The following MAGI1 variants were observed in gnomAD, a reference collection of about 807,000 sequenced individuals.
MAGI1 encodes membrane-associated guanylate kinase, WW and PDZ domain-containing protein 1.
Under a neutral mutation model 139.9 loss-of-function variants are expected in MAGI1, and 58 were observed. That is an observed-to-expected ratio of 0.41 (90% CI 0.34 to 0.52). The LOEUF is 0.52. Ranked by LOEUF, MAGI1 falls within the 20% of genes least tolerant of loss-of-function variation. MAGI1 has a pLI of 0.12. For synonymous variants in MAGI1, 812 were observed against 737.9 expected, an observed-to-expected ratio of 1.10 and a Z score of -1.63; for missense variants, 1,874 against 1,901.6, an observed-to-expected ratio of 0.99 and a Z score of 0.27.
In MAGI1 at chr3:65,827,938, G is replaced by A. The variant is rs372601838; in HGVS notation, c.314-205850C>T. ...CATCTTTATGTCTATCATGAAAACA[G>A]TCAGGCTGAAATCCATCCAAAAAGA... is the stretch of plus-strand genomic sequence containing the variant. On this transcript the variant is annotated intron_variant, in intron 1 of 22. Coordinates refer to ENST00000402939, the MANE Select transcript of MAGI1 (RefSeq NM_001033057.2). 2.0e-5 allele frequency among the ~76,000 whole-genome samples: 3 copies of A among 152,074 alleles called. No individual in the cohort carries two copies. The East Asian group carries it at 5.8e-4, about 29-fold the overall frequency.
chr3:65,487,839 A>C (rs897523324), intron 3 of MAGI1, among the ~76,000 whole-genome samples: 2 of 152,232 alleles, frequency 1.3e-5, no homozygotes, highest in Non-Finnish European at 2.9e-5. Flanking sequence ...GAGGACAGAG[A>C]TCTTGTTGAG....
At chr3:65,826,249 T>G (rs2042223208) in intron 1 of MAGI1, among the ~76,000 whole-genome samples, 1 of 152,166 alleles carries the variant, frequency 6.6e-6, no homozygotes, top group South Asian at 2.1e-4. Context: ...TGAACAGCTA[T>G]TATTTCATAA....
chr3:65,547,721 G>T (rs1299385774), intron 2 of MAGI1, among the ~76,000 whole-genome samples: 1 of 152,164 alleles, frequency 6.6e-6, no homozygotes, highest in Non-Finnish European at 1.5e-5. Context: ...CTTGGTGGCT[G>T]AGTGTATTGA....
chr3:65,613,260 A>G (rs2106959596), intron 2 of MAGI1, among the ~76,000 whole-genome samples: 1 of 152,296 alleles, frequency 6.6e-6, no homozygotes, highest in East Asian at 1.9e-4. Flanking sequence ...ACTATGCCCT[A>G]CAGGGTTCAG....
chr3:65,651,573 G>C (rs1013221234), intron 1 of MAGI1, among the ~76,000 whole-genome samples: 13 of 152,074 alleles, frequency 8.5e-5, no homozygotes, highest in African/African-American at 2.9e-4. Context: ...CAGTCATGTG[G>C]AATCAGCATC....
intron 1 of MAGI1, among the ~76,000 whole-genome samples, chr3:65,826,992 T>G (rs1460858825): frequency 9.7e-6 from 1 of 103,622 alleles, no homozygotes; most frequent in African/African-American, 3.5e-5. Flanking sequence ...TGTGCCACCA[T>G]CCCCCGGTCT....
chr3:65,638,344 G>C (rs1023929640), intron 1 of MAGI1, among the ~76,000 whole-genome samples: 2 of 151,950 alleles, frequency 1.3e-5, no homozygotes, highest in African/African-American at 2.4e-5. Flanking sequence ...TAACAGAAAA[G>C]AATTTTTTTT....
intron 1 of MAGI1, among the ~76,000 whole-genome samples, chr3:65,871,285 C>T (rs1442477305): frequency 6.6e-6 from 1 of 152,058 alleles, no homozygotes; most frequent in Non-Finnish European, 1.5e-5. Context: ...AACCAGGTAA[C>T]ACTGAATGCC....
At chr3:65,872,207 C>T (rs536427780) in intron 1 of MAGI1, among the ~76,000 whole-genome samples, 245 of 152,286 alleles carry the variant, frequency 1.6e-3, no homozygotes, top group Non-Finnish European at 3.0e-3. Context: ...TACTTTTAGG[C>T]AATGCTTCAT....
At chr3:65,794,931 CAGCAAATA>C (rs1380276108) in intron 1 of MAGI1, among the ~76,000 whole-genome samples, 2 of 150,546 alleles carry the variant, frequency 1.3e-5, no homozygotes, top group Non-Finnish European at 2.9e-5. Context: ...GATATACAGA[CAGCAAATA>C]AGCACATGAA....
In MAGI1 at chr3:65,509,766, A is replaced by G. The variant is rs563204963; in HGVS notation, c.431-16135T>C. Among the ~76,000 whole-genome samples the G allele has an allele frequency of 5.5e-4, 84 of 152,134 alleles. 1 individual carries two copies. Among genetic ancestry groups the G allele is most frequent in the Middle Eastern group, 6.8e-3 (2 of 294 alleles). On this transcript the variant is annotated intron_variant, in intron 2 of 22. Coordinates refer to ENST00000402939, the MANE Select transcript of MAGI1 (RefSeq NM_001033057.2). Reference sequence around the variant, plus strand: ...TTGCCCAGGCTTGCTTAGGTAAACAAAGCAGCTGGGAAGCTCGAACTGGGT... The same window carrying G: ...TTGCCCAGGCTTGCTTAGGTAAACAGAGCAGCTGGGAAGCTCGAACTGGGT...
chr3:65,365,350 T>A (rs1386318009), intron 18 of MAGI1, among the ~76,000 whole-genome samples: 1 of 152,234 alleles, frequency 6.6e-6, no homozygotes, highest in African/African-American at 2.4e-5. Flanking sequence ...TACCAATGTT[T>A]CCTGCAATTT....
At chr3:65,959,158 G>C (rs1323670786) in intron 1 of MAGI1, among the ~76,000 whole-genome samples, 1 of 152,186 alleles carries the variant, frequency 6.6e-6, no homozygotes, top group African/African-American at 2.4e-5. Context: ...CTCTGAACTA[G>C]CTTTGTTTGA....
chr3:65,363,370 T>C, intron 21 of MAGI1, 95 bp downstream of exon 21: 1 of 1,374,630 alleles, frequency 7.3e-7, no homozygotes, highest in Non-Finnish European at 9.8e-7. Context: ...ATAGAAAATG[T>C]AGTTCTTATG....
chr3:65,742,344 C>G (rs2035345664), intron 1 of MAGI1, among the ~76,000 whole-genome samples: 1 of 152,102 alleles, frequency 6.6e-6, no homozygotes, highest in Non-Finnish European at 1.5e-5. Flanking sequence ...GCATCTTTTT[C>G]CCCATTATGA....
chr3:65,720,880 G>T (rs7610737), intron 1 of MAGI1, among the ~76,000 whole-genome samples: 59,888 of 151,758 alleles, frequency 0.39, 13,098 homozygotes, highest in African/African-American at 0.55. Context: ...CTCTCCAGTA[G>T]CTAGGACTAC....
intron 5 of MAGI1, among the ~76,000 whole-genome samples, chr3:65,463,484 T>C (rs939333335): frequency 6.6e-6 from 1 of 152,042 alleles, no homozygotes. Context: ...CTTTTTAAAG[T>C]GCTGCTGGAT....
chr3:65,540,973 T>C (rs959189208), intron 2 of MAGI1, among the ~76,000 whole-genome samples: 1 of 152,144 alleles, frequency 6.6e-6, no homozygotes, highest in Non-Finnish European at 1.5e-5. Flanking sequence ...GGATGGTGTA[T>C]GTATCAAAAA....
In MAGI1 at chr3:65,490,861, A is replaced by AAG. The variant is rs1553652877; in HGVS notation, c.550+2650_550+2651insCT. Among the ~76,000 whole-genome samples the AAG allele has an allele frequency of 3.3e-3, 500 of 149,848 alleles. 7 individuals are homozygous for AAG. The highest frequency in any genetic ancestry group is 0.011 in the African/African-American group (448 of 40,630). On this transcript the variant is annotated intron_variant, in intron 3 of 22. Transcript: ENST00000402939. ...TCTGTCTCAAAAAAAAAAAAAAGAAAAAAGAAAGAAAAATTATGAGCCCTC... is the reference window on the plus strand; with the variant it reads ...TCTGTCTCAAAAAAAAAAAAAAGAAAAGAAAGAAAGAAAAATTATGAGCCCTC...
Sources: gnomAD v4.1 joint callset for allele counts (sites outside exome capture counted in the v4.1 genomes callset) on GRCh38, gnomAD v4.1.1 for gene constraint, MANE v1.5 for transcripts, NCBI Gene and HGNC (gene_info 2026-07-23, HGNC 2026-07-21) for gene names.